VAMP7: variants seen among roughly 807,000 people sequenced by gnomAD.
VAMP7 encodes vesicle associated membrane protein 7.
A neutral mutation model predicts 29.6 loss-of-function variants in VAMP7; 14 were observed. The ratio of observed to expected loss-of-function variants is 0.47; its 90% CI spans 0.31 to 0.74. The LOEUF (loss-of-function observed/expected upper bound fraction) is 0.74. Among genes scored for constraint, VAMP7 ranks in the 30% least tolerant of loss-of-function variants. VAMP7 has a pLI of 0.05. For missense variants in VAMP7, 223 were observed against 262.4 expected (o/e 0.85, Z 1.04); for synonymous variants, 95 against 88.1 (o/e 1.08, Z -0.44).
At chrX:155,895,441 C>T (rs1457806579) in intron 2 of VAMP7, among the ~76,000 whole-genome samples, 182 bp from the exon 3 acceptor site, 1 of 152,082 alleles carries the variant, frequency 6.6e-6, no homozygotes, top group East Asian at 1.9e-4. Context: ...TTCTTATGTA[C>T]TTCTATCAGT....
chrX:155,943,137 T>C lies in VAMP7; in HGVS notation c.*1186T>C, dbSNP rs756565113. On this transcript the variant is annotated 3_prime_UTR_variant, in exon 8 of 8. Transcript: ENST00000286448. ...ATCGCTACTGGCATCTGTTATCTAG[T>C]ATGCATTTCTGGTGTGTATCTGAAA... The C allele has an allele frequency of 4.1e-5, 6 of 147,896 alleles. No homozygotes were observed. In the South Asian group the frequency reaches 1.4e-3, roughly 34 times the overall value. 9.2% of individuals were successfully genotyped at this position (147,896 alleles called of 1,614,324 possible).
At chrX:155,916,026 A>T (rs1375302991) in intron 5 of VAMP7, among the ~76,000 whole-genome samples, 3 of 152,156 alleles carry the variant, frequency 2.0e-5, no homozygotes, top group Admixed American at 6.5e-5. Context: ...TTGCTTTATG[A>T]ATCTGGGTGC....
intron 1 of VAMP7, among the ~76,000 whole-genome samples, chrX:155,888,739 A>G (rs761287939): frequency 1.3e-5 from 2 of 152,238 alleles, no homozygotes; most frequent in Admixed American, 6.5e-5. Flanking sequence ...TCTGTTATGG[A>G]TAATGCCTTT....
chrX:155,905,046 G>A (rs147007245), intron 5 of VAMP7, among the ~76,000 whole-genome samples: 7,576 of 151,742 alleles, frequency 0.05, 307 homozygotes, highest in South Asian at 0.17. Context: ...ATTCCTAATA[G>A]CAATGTATGA....
At chrX:155,937,537 A>G (rs1212133673) in intron 6 of VAMP7, among the ~76,000 whole-genome samples, 1 of 152,196 alleles carries the variant, frequency 6.6e-6, no homozygotes, top group African/African-American at 2.4e-5. Context: ...TTGAATATAT[A>G]CCATTTTTAT....
At chrX:155,913,380 G>A (rs1454615588) in intron 5 of VAMP7, among the ~76,000 whole-genome samples, 1 of 152,102 alleles carries the variant, frequency 6.6e-6, no homozygotes, top group Non-Finnish European at 1.5e-5. Context: ...GCTTTAATTA[G>A]ATCCCATTTG....
chrX:155,908,600 C>T (rs954315606), intron 5 of VAMP7, among the ~76,000 whole-genome samples: 1 of 103,552 alleles, frequency 9.7e-6, no homozygotes, highest in Non-Finnish European at 1.9e-5. Flanking sequence ...GAGCCATTTT[C>T]TTTTCTTGTG....
At chrX:155,931,876 A>T (rs1415080853) in intron 6 of VAMP7, among the ~76,000 whole-genome samples, 2 of 152,142 alleles carry the variant, frequency 1.3e-5, no homozygotes, top group Admixed American at 1.3e-4. Context: ...TCTTGAATTA[A>T]TTTTAGTATA....
chrX:155,907,597 C>T (rs2066165056), intron 5 of VAMP7, among the ~76,000 whole-genome samples: 1 of 151,674 alleles, frequency 6.6e-6, no homozygotes, highest in Non-Finnish European at 1.5e-5. Flanking sequence ...GGGGTAAGGT[C>T]ATAGATCAAC....
intron 6 of VAMP7, among the ~76,000 whole-genome samples, chrX:155,925,955 T>C (rs1316482923): frequency 6.6e-6 from 1 of 152,214 alleles, no homozygotes; most frequent in Non-Finnish European, 1.5e-5. Context: ...AGGTTCATTG[T>C]CAATGAGCAG....
chrX:155,924,007 A>G (rs986553190), intron 6 of VAMP7, among the ~76,000 whole-genome samples: 2 of 152,094 alleles, frequency 1.3e-5, no homozygotes, highest in Non-Finnish European at 2.9e-5. Flanking sequence ...TGAGTATATG[A>G]AGTATATTTA....
chrX:155,931,328 C>T (rs1040443611), intron 6 of VAMP7, among the ~76,000 whole-genome samples: 30 of 152,180 alleles, frequency 2.0e-4, no homozygotes, highest in South Asian at 4.2e-4. Context: ...GTCCCACCAA[C>T]AGTGTAAAAG....
intron 1 of VAMP7, among the ~76,000 whole-genome samples, chrX:155,888,888 C>T (rs1195978668): frequency 1.3e-5 from 2 of 152,050 alleles, no homozygotes; most frequent in Non-Finnish European, 2.9e-5. Flanking sequence ...GTTTTCTCAT[C>T]TATAATAGAA....
intron 6 of VAMP7, among the ~76,000 whole-genome samples, chrX:155,924,259 A>T (rs1020620143): frequency 1.3e-5 from 2 of 152,214 alleles, no homozygotes; most frequent in African/African-American, 4.8e-5. Context: ...GGAATTTAGT[A>T]TATTACATTA....
At chrX:155,897,978 A>G (rs2066008324) in intron 3 of VAMP7, 134 bp from the exon 4 acceptor site, 11 of 1,134,040 alleles carry the variant, frequency 9.7e-6, no homozygotes, top group Non-Finnish European at 1.2e-5. Context: ...TATCTTTAAG[A>G]TAGGATCAAT....
chrX:155,892,972 C>T (rs1216946140), intron 2 of VAMP7, among the ~76,000 whole-genome samples: 9 of 151,838 alleles, frequency 5.9e-5, no homozygotes, highest in South Asian at 2.1e-4. Context: ...AGGCAGGTCT[C>T]GAACTCCTGA....
At chrX:155,889,707 C>T (rs1488889456) in intron 2 of VAMP7, 95 bp downstream of exon 2, 1 of 1,368,006 alleles carries the variant, frequency 7.3e-7, no homozygotes, top group Non-Finnish European at 9.7e-7. Context: ...CTTCTAGGTA[C>T]ATAATTTGAA....
chrX:155,911,858 G>A (rs1179116154), intron 5 of VAMP7, among the ~76,000 whole-genome samples: 3 of 152,032 alleles, frequency 2.0e-5, no homozygotes, highest in Non-Finnish European at 4.4e-5. Flanking sequence ...GAGTTTTTTG[G>A]TGGAGTCTTT....
chrX:155,928,304 A>G (rs1320277496), intron 6 of VAMP7, among the ~76,000 whole-genome samples: 7 of 152,194 alleles, frequency 4.6e-5, no homozygotes, highest in Non-Finnish European at 1.0e-4. Context: ...TGTGGCTGCT[A>G]TCACAAATTA....
Sources: allele counts gnomAD v4.1 joint callset (sites outside exome capture counted in the v4.1 genomes callset), GRCh38; gene constraint gnomAD v4.1.1; transcripts MANE v1.5; gene names NCBI Gene and HGNC (gene_info 2026-07-23, HGNC 2026-07-21).